TMEM182: variants seen among roughly 807,000 people sequenced by gnomAD.
The protein encoded by TMEM182 is transmembrane protein 182.
A neutral mutation model predicts 26.8 loss-of-function variants in TMEM182; 20 were observed. The ratio of observed to expected loss-of-function variants is 0.75; its 90% CI spans 0.53 to 1.09. TMEM182 has a LOEUF of 1.09. Ranked by LOEUF, TMEM182 falls within the 50% of genes least tolerant of loss-of-function variation. The pLI, the probability that TMEM182 is intolerant of heterozygous loss-of-function variation, is 0.00. For missense variants in TMEM182, 277 were observed against 275.5 expected (o/e 1.01, Z -0.04); for synonymous variants, 109 against 102.2 (o/e 1.07, Z -0.40).
Position 102,745,383 on chromosome 2 carries a change from A to G in TMEM182, c.-83+8370A>G, listed in dbSNP as rs549376133. ...TATTAGTTATAGTTATTTTAAGGTGATTGTGTGATAGCTTCAACATAGGAG... is the reference window on the plus strand; with the variant it reads ...TATTAGTTATAGTTATTTTAAGGTGGTTGTGTGATAGCTTCAACATAGGAG... On this transcript the variant is annotated intron_variant, in intron 1 of 5. Transcript: ENST00000409173. Among the ~76,000 whole-genome samples, 87 of 152,138 alleles carry G rather than the reference A, an allele frequency of 5.7e-4. 5 individuals carry two copies. Among genetic ancestry groups the G allele is most frequent in the Non-Finnish European group, 3.1e-4 (21 of 67,930 alleles).
At chr2:102,752,410 T>C (rs904903056) in intron 1 of TMEM182, among the ~76,000 whole-genome samples, 2 of 152,194 alleles carry the variant, frequency 1.3e-5, no homozygotes, top group Non-Finnish European at 2.9e-5. Context: ...ACCACATATG[T>C]ATAATAATTA....
chr2:102,797,487 G>A (rs1283601850), intron 3 of TMEM182, among the ~76,000 whole-genome samples: 3 of 152,118 alleles, frequency 2.0e-5, no homozygotes, highest in Non-Finnish European at 4.4e-5. Flanking sequence ...TGGACATTCG[G>A]TATGAAACAC....
At chr2:102,740,737 C>T (rs965774892) in intron 1 of TMEM182, among the ~76,000 whole-genome samples, 1 of 152,140 alleles carries the variant, frequency 6.6e-6, no homozygotes, top group Non-Finnish European at 1.5e-5. Context: ...GATAGGAGAA[C>T]ATATATGTAA....
At chr2:102,774,143 A>C (rs1178852180) in intron 3 of TMEM182, among the ~76,000 whole-genome samples, 1 of 151,828 alleles carries the variant, frequency 6.6e-6, no homozygotes, top group Non-Finnish European at 1.5e-5. Flanking sequence ...ACACTGAATT[A>C]TTTTAAAGCA....
chr2:102,775,287 C>A (rs1680862288), intron 3 of TMEM182: 1 of 152,138 alleles, frequency 6.6e-6, no homozygotes. Context: ...AAGACAAAAA[C>A]CACATGATTA....
At chr2:102,798,074 T>C in intron 4 of TMEM182, 74 bp downstream of exon 4, 2 of 1,529,486 alleles carry the variant, frequency 1.3e-6, no homozygotes, top group Non-Finnish European at 1.8e-6. Context: ...ATTTCTATAT[T>C]CAGGCGTCAG....
intron 3 of TMEM182, among the ~76,000 whole-genome samples, chr2:102,824,977 C>T (rs571786175): frequency 6.6e-6 from 1 of 152,336 alleles, no homozygotes; most frequent in South Asian, 2.1e-4. Flanking sequence ...ATTTCCCAGT[C>T]TCAGGTATTT....
At chr2:102,769,096 C>T (rs1680576170) in intron 3 of TMEM182, among the ~76,000 whole-genome samples, 1 of 152,056 alleles carries the variant, frequency 6.6e-6, no homozygotes. Context: ...GAAGTGCTTC[C>T]AGAATTTAAC....
chr2:102,791,832 C>T (rs1415917152), intron 3 of TMEM182, among the ~76,000 whole-genome samples: 1 of 151,952 alleles, frequency 6.6e-6, no homozygotes, highest in Non-Finnish European at 1.5e-5. Context: ...TAGGCACAGT[C>T]CAAAATCTTC....
chr2:102,794,016 G>A (rs1323012000), intron 3 of TMEM182, among the ~76,000 whole-genome samples: 2 of 152,168 alleles, frequency 1.3e-5, no homozygotes, highest in African/African-American at 4.8e-5. Flanking sequence ...GCTGCAGTGA[G>A]CTGTGATTAC....
intron 4 of TMEM182, among the ~76,000 whole-genome samples, chr2:102,810,072 T>A (rs189334163): frequency 6.6e-6 from 1 of 152,134 alleles, no homozygotes; most frequent in Non-Finnish European, 1.5e-5. Context: ...TCGAGTTACA[T>A]CTAAGAAGTG....
upstream of TMEM182, chr2:102,761,819 ACCATTCCATCTTCT>A (rs1424205006): frequency 5.3e-6 from 1 of 190,108 alleles, no homozygotes; most frequent in African/African-American, 2.4e-5. Flanking sequence ...TGACTTCATA[ACCATTCCATCTTCT>A]TTCTACTTCT....
At chr2:102,787,229 G>T (rs1270175544) in intron 3 of TMEM182, among the ~76,000 whole-genome samples, 1 of 152,200 alleles carries the variant, frequency 6.6e-6, no homozygotes, top group Non-Finnish European at 1.5e-5. Flanking sequence ...AAATACCACA[G>T]CCTGGCGGCT....
chr2:102,797,796 CA>C, intron 3 of TMEM182, 66 bp from the exon 4 acceptor site: 1 of 1,535,098 alleles, frequency 6.5e-7, no homozygotes, highest in Non-Finnish European at 8.7e-7. Context: ...CTGACTGTGA[CA>C]ATCTGCTGTG....
chr2:102,761,998 T>C (rs889019211), upstream of TMEM182: 2 of 428,280 alleles, frequency 4.7e-6, no homozygotes, highest in Non-Finnish European at 8.4e-6. Context: ...GCTGCTGGGC[T>C]GGAGTTCCTC....
chr2:102,818,612 A>C (rs1682829463), downstream of TMEM182, among the ~76,000 whole-genome samples: 1 of 152,138 alleles, frequency 6.6e-6, no homozygotes, highest in South Asian at 2.1e-4. Flanking sequence ...AGCTTTTTGA[A>C]AGATCATCCC....
intron 3 of TMEM182, among the ~76,000 whole-genome samples, chr2:102,837,103 C>T (rs1246958068): frequency 1.3e-5 from 2 of 152,138 alleles, no homozygotes; most frequent in Non-Finnish European, 2.9e-5. Context: ...TAGGTAGTTT[C>T]CACTCCCAGT....
intron 3 of TMEM182, among the ~76,000 whole-genome samples, chr2:102,828,471 A>T (rs905119759): frequency 1.3e-5 from 2 of 152,234 alleles, no homozygotes; most frequent in Non-Finnish European, 1.5e-5. Context: ...CTCAAGTCCC[A>T]GGTTGCCACA....
intron 3 of TMEM182, among the ~76,000 whole-genome samples, chr2:102,777,410 T>C (rs1680965516): frequency 6.6e-6 from 1 of 152,154 alleles, no homozygotes. Flanking sequence ...ACTTTCTCCA[T>C]TGAATTTCCT....
Sources: allele counts gnomAD v4.1 joint callset (sites outside exome capture counted in the v4.1 genomes callset), GRCh38; gene constraint gnomAD v4.1.1; transcripts MANE v1.5; gene names NCBI Gene and HGNC (gene_info 2026-07-23, HGNC 2026-07-21).